EPS15L1: variants seen among roughly 807,000 people sequenced by gnomAD.
The protein encoded by EPS15L1 is epidermal growth factor receptor substrate 15-like 1.
Under a neutral mutation model 117.1 loss-of-function variants are expected in EPS15L1, and 43 were observed. The observed-to-expected ratio is 0.37, with a 90% CI of 0.29 to 0.47. EPS15L1 has a LOEUF of 0.47. Ranked by LOEUF, EPS15L1 falls within the 20% of genes least tolerant of loss-of-function variation. The pLI, the probability that EPS15L1 is intolerant of heterozygous loss-of-function variation, is 0.99. For synonymous variants in EPS15L1, 459 were observed against 470.5 expected, an observed-to-expected ratio of 0.98 and a Z score of 0.32; for missense variants, 981 against 1,164.0, an observed-to-expected ratio of 0.84 and a Z score of 2.29.
intron 20 of EPS15L1, 147 bp from the exon 21 acceptor site, chr19:16,385,358 C>T (rs2092409295): frequency 1.5e-6 from 1 of 683,876 alleles, no homozygotes; most frequent in Non-Finnish European, 2.5e-6. Flanking sequence ...GCATGAAGGC[C>T]TCTCAGCAAG....
At chr19:16,403,277 G>C (rs1228005231) in intron 15 of EPS15L1, among the ~76,000 whole-genome samples, 1 of 152,198 alleles carries the variant, frequency 6.6e-6, no homozygotes, top group Non-Finnish European at 1.5e-5. Flanking sequence ...AGGCAGCTTA[G>C]AGAATGGGGG....
chr19:16,422,660 T>C (rs188752259), intron 9 of EPS15L1, among the ~76,000 whole-genome samples: 371 of 152,284 alleles, frequency 2.4e-3, no homozygotes, highest in Non-Finnish European at 4.4e-3. Flanking sequence ...CTCTCAGTTA[T>C]GAAAGGATTT....
At chr19:16,377,506 T>A (rs973200930) in intron 21 of EPS15L1, among the ~76,000 whole-genome samples, 2 of 152,084 alleles carry the variant, frequency 1.3e-5, no homozygotes, top group Non-Finnish European at 2.9e-5. Context: ...GTCCCATACC[T>A]CCACGGGCTT....
chr19:16,428,698 T>C lies in EPS15L1; in HGVS notation c.558+4A>G. 6.2e-7 allele frequency: 1 copy of C among 1,610,940 alleles called. No homozygotes were observed. The highest frequency in any genetic ancestry group is 1.1e-5 in the South Asian group (1 of 89,900). On this transcript the variant is annotated splice_donor_region_variant and intron_variant, in intron 8 of 23. Transcript: ENST00000455140. ...CTGGGTGGGGAGGAAACAGCAGGAC[T>C]TACCACAGCGAACTCATCTCGATCC...
chr19:16,409,220 G>C (rs545357265), intron 13 of EPS15L1, among the ~76,000 whole-genome samples: 111 of 152,138 alleles, frequency 7.3e-4, no homozygotes, highest in Non-Finnish European at 1.2e-3. Context: ...AACAGAGCGA[G>C]ACTGTCTCTA....
chr19:16,375,829 T>A (rs2092288315), intron 22 of EPS15L1, among the ~76,000 whole-genome samples: 1 of 152,190 alleles, frequency 6.6e-6, no homozygotes, highest in Admixed American at 6.5e-5. Context: ...CCCATCCTCC[T>A]GAGAGAAGGC....
rs537955207 is a variant in EPS15L1, at chr19:16,374,631, C to G, written c.2380+2491G>C. 4.3e-4 allele frequency among the ~76,000 whole-genome samples: 65 copies of G among 152,276 alleles called. 1 individual carries two copies. Among genetic ancestry groups the G allele is most frequent in the South Asian group, 3.9e-3 (19 of 4,828 alleles). On this transcript the variant is annotated intron_variant, in intron 22 of 23. Transcript: ENST00000455140. ...AGGGAAAGTTCAAAAGCAGACCCAG[C>G]GCCGGGTTTAGGTACGTGGGGAGGC...
intron 5 of EPS15L1, 135 bp downstream of exon 5, chr19:16,437,635 A>G (rs2092990983): frequency 1.5e-6 from 1 of 657,918 alleles, no homozygotes; most frequent in Non-Finnish European, 2.7e-6. Flanking sequence ...ATTTTCTATT[A>G]TGTGAATTTC....
rs889852221 is a variant in EPS15L1 at position 16,370,999 on chromosome 19, T to A, written c.2380+6123A>T. On this transcript the variant is annotated intron_variant, in intron 22 of 23. Transcript: ENST00000455140. This position sits in a 1 kb window ranked among gnomAD's most constrained non-coding sequence, Gnocchi z 5.2. ...GATGGTGGAACCACTTGTCCCATTGTAGAATTTCACATGTACCCACCGGAT... is the reference window on the plus strand; with the variant it reads ...GATGGTGGAACCACTTGTCCCATTGAAGAATTTCACATGTACCCACCGGAT... Among the ~76,000 whole-genome samples, 1 of 152,250 alleles carries A rather than the reference T, an allele frequency of 6.6e-6. No homozygotes were observed. Among genetic ancestry groups the A allele is most frequent in the African/African-American group, 2.4e-5 (1 of 41,470 alleles).
chr19:16,361,362 G>C (rs1487423671), intron 23 of EPS15L1, among the ~76,000 whole-genome samples: 1 of 152,058 alleles, frequency 6.6e-6, no homozygotes, highest in Admixed American at 6.6e-5. Context: ...GTGAGAACTT[G>C]TGCACAAAGG....
At position 16,385,236 on chromosome 19, in the gene EPS15L1, G is replaced by A. The variant is rs752629997; in HGVS notation, c.2165-25C>T. The stretch of plus-strand genomic sequence containing the variant: ...TCTGCAATCGGCACCAACAAAGTCA[G>A]AGTTACAGGTCTTTAAGAGAACATG... On this transcript the variant is annotated intron_variant, in intron 20 of 23. Coordinates refer to ENST00000455140, the MANE Select transcript of EPS15L1 (RefSeq NM_001258374.3). 4.4e-6 allele frequency: 7 copies of A among 1,599,056 alleles called. No homozygotes were observed. In the East Asian group the frequency reaches 1.6e-4, roughly 36 times the overall value.
chr19:16,392,469 C>T (rs959439338), intron 18 of EPS15L1, 29 bp from the exon 19 acceptor site: 9 of 1,603,598 alleles, frequency 5.6e-6, no homozygotes, highest in Non-Finnish European at 7.7e-6. Flanking sequence ...CATAAGTAAA[C>T]ATTATACCAA....
At position 16,365,531 on chromosome 19, in the gene EPS15L1, G is replaced by C. The variant is rs1293020381; in HGVS notation, c.2381-3547C>G. Reference sequence around the variant, plus strand: ...AACTGCGGGACAATCCATGTCTGCTGTTTAGGCTGAGATAGAGCAAGTGTG... The same window carrying C: ...AACTGCGGGACAATCCATGTCTGCTCTTTAGGCTGAGATAGAGCAAGTGTG... On this transcript the variant is annotated intron_variant, in intron 22 of 23. Transcript: ENST00000455140. This position sits in a 1 kb window ranked among gnomAD's most constrained non-coding sequence, Gnocchi z 4.9. Among the ~76,000 whole-genome samples, 9 of 152,216 alleles carry C rather than the reference G, an allele frequency of 5.9e-5. No individual in the cohort carries two copies. Among genetic ancestry groups the C allele is most frequent in the Non-Finnish European group, 1.0e-4 (7 of 68,018 alleles).
Position 16,428,718 on chromosome 19 carries a change from C to T in EPS15L1, c.542G>A (p.Arg181Gln), listed in dbSNP as rs867206024. 17 of 1,611,452 alleles carry T rather than the reference C, an allele frequency of 1.1e-5. No individual in the cohort carries two copies. The highest frequency in any genetic ancestry group is 5.3e-5 in the African/African-American group (4 of 74,880). Residue 181 changes from arginine (R) to glutamine (Q), a missense_variant, in exon 8 of 24, where the codon CGA becomes CAA. By Grantham distance (43) the Arg-to-Gln change is conservative (BLOSUM62 1). This residue lies in a region of EPS15L1 where 819 missense variants were observed against 949.0 expected (regional missense o/e 0.86). Transcript: ENST00000455140. The part of the protein sequence containing the change: ...SDIDKDGHLD[R>Q]DEFAVAMHLV... Reference sequence around the variant, plus strand: ...AGGACTTACCACAGCGAACTCATCTCGATCCAAGTGCCCATCCTTGTCAAT... The same window carrying T: ...AGGACTTACCACAGCGAACTCATCTTGATCCAAGTGCCCATCCTTGTCAAT...
At chr19:16,448,568 G>T (rs139100130) in intron 1 of EPS15L1, among the ~76,000 whole-genome samples, 3,225 of 150,262 alleles carry the variant, frequency 0.021, 130 homozygotes, top group Admixed American at 0.081. Flanking sequence ...GAAAGGCCGG[G>T]CGCGGTGGCT....
At chr19:16,403,298 C>T (rs1362386141) in intron 15 of EPS15L1, among the ~76,000 whole-genome samples, 2 of 152,152 alleles carry the variant, frequency 1.3e-5, no homozygotes, top group East Asian at 1.9e-4. Flanking sequence ...TCCTGCATGG[C>T]GTGATGCTCC....
chr19:16,380,537 C>G (rs896158004), intron 21 of EPS15L1, among the ~76,000 whole-genome samples: 2 of 151,898 alleles, frequency 1.3e-5, no homozygotes, highest in African/African-American at 2.4e-5. Flanking sequence ...AAGGCTCTAG[C>G]GTCCAGTCAC....
chr19:16,402,210 G>A, intron 16 of EPS15L1, 111 bp downstream of exon 16: 1 of 1,477,864 alleles, frequency 6.8e-7, no homozygotes. Context: ...ACAGCCGCCT[G>A]CACTTGGCTG....
intron 1 of EPS15L1, among the ~76,000 whole-genome samples, chr19:16,466,316 G>T (rs150079831): frequency 1.8e-4 from 28 of 152,052 alleles, no homozygotes; most frequent in Non-Finnish European, 3.7e-4. Context: ...GGATGAACCA[G>T]GCAATCTATG....
Sources: allele counts gnomAD v4.1 joint callset (sites outside exome capture counted in the v4.1 genomes callset), GRCh38; gene constraint gnomAD v4.1.1; regional missense constraint gnomAD v4.1.1; non-coding constraint Gnocchi (gnomAD v3.1); transcripts MANE v1.5; gene names NCBI Gene and HGNC (gene_info 2026-07-23, HGNC 2026-07-21).